The following ALPK2 variants were observed in gnomAD, a reference collection of about 807,000 sequenced individuals.
ALPK2 encodes alpha-protein kinase 2.
Under a neutral mutation model 163.1 loss-of-function variants are expected in ALPK2, and 127 were observed. That is an observed-to-expected ratio of 0.78 (90% CI 0.67 to 0.90). The LOEUF (loss-of-function observed/expected upper bound fraction) is 0.90. Ranked by LOEUF, ALPK2 falls within the 40% of genes least tolerant of loss-of-function variation. ALPK2 has a pLI of 0.00. For missense variants in ALPK2, 2,360 were observed against 2,589.6 expected (o/e 0.91, Z 1.92); for synonymous variants, 953 against 959.1 (o/e 0.99, Z 0.12).
intron 4 of ALPK2, chr18:58,544,430 G>A (rs1013255359): frequency 2.0e-5 from 3 of 152,182 alleles, no homozygotes; most frequent in Non-Finnish European, 4.4e-5. Flanking sequence ...TGCCAGCCAA[G>A]TGCATGACAC....
rs768618719 is a variant in ALPK2 at position 58,537,710 on chromosome 18, G to A, written c.2477C>T (p.Pro826Leu). ...TTCTTGAGGCGAATATTTATCAACT[G>A]GTCTCCCAACAAGAGAATCTATGGT... ...FDTIDSLVGRPVDKYSPQEIC... is the reference protein window; with the variant it reads ...FDTIDSLVGRLVDKYSPQEIC... The change falls in exon 5 of 13, where the codon CCA becomes CTA. Residue 826 changes from proline (P) to leucine (L), a missense_variant. By Grantham distance (98) the Pro-to-Leu change is moderately conservative. Coordinates refer to ENST00000361673, the MANE Select transcript of ALPK2 (RefSeq NM_052947.4). The A allele has an allele frequency of 6.2e-7, 1 of 1,614,072 alleles. No individual in the cohort carries two copies. The highest frequency in any genetic ancestry group is 1.1e-5 in the South Asian group (1 of 91,072).
At chr18:58,549,505 C>T (rs1174514175) in intron 4 of ALPK2, among the ~76,000 whole-genome samples, 1 of 152,150 alleles carries the variant, frequency 6.6e-6, no homozygotes, top group Non-Finnish European at 1.5e-5. Context: ...GAGGAGGAAA[C>T]ATCTGGAATT....
chr18:58,577,363 C>A (rs2051927396), intron 4 of ALPK2, among the ~76,000 whole-genome samples: 2 of 152,170 alleles, frequency 1.3e-5, no homozygotes, highest in African/African-American at 2.4e-5. Flanking sequence ...TACTTTATCA[C>A]CTTCCCCCAC....
chr18:58,512,894 A>G (rs2051499569), intron 10 of ALPK2, among the ~76,000 whole-genome samples: 3 of 76,450 alleles, frequency 3.9e-5, no homozygotes, highest in African/African-American at 5.2e-5. Flanking sequence ...GGGGTGTGTA[A>G]TGCGTATGTG....
chr18:58,593,947 CAAA>C (rs11366867), intron 3 of ALPK2, among the ~76,000 whole-genome samples: 32 of 127,140 alleles, frequency 2.5e-4, no homozygotes, highest in Non-Finnish European at 3.2e-4. Context: ...TTCCCCCAAC[CAAA>C]AAAAAAAAAA....
At chr18:58,602,342 G>T (rs551878184) in intron 3 of ALPK2, among the ~76,000 whole-genome samples, 2 of 152,116 alleles carry the variant, frequency 1.3e-5, no homozygotes, top group African/African-American at 4.8e-5. Flanking sequence ...ACAAACTACC[G>T]CAAACTGGGT....
At chr18:58,618,321 ACAGGCATGAGCCAC>A (rs564632448) in intron 1 of ALPK2, among the ~76,000 whole-genome samples, 179 of 152,336 alleles carry the variant, frequency 1.2e-3, no homozygotes, top group Non-Finnish European at 2.1e-3. Flanking sequence ...TGCTGAGATT[ACAGGCATGAGCCAC>A]CCCGCCTGGC....
At chr18:58,587,470 T>C (rs1346948275) in intron 3 of ALPK2, among the ~76,000 whole-genome samples, 1 of 151,988 alleles carries the variant, frequency 6.6e-6, no homozygotes, top group Non-Finnish European at 1.5e-5. Flanking sequence ...ATTTTAAATA[T>C]GCTGAAAGAA....
intron 4 of ALPK2, among the ~76,000 whole-genome samples, chr18:58,565,360 T>C (rs2051846239): frequency 6.6e-6 from 1 of 152,250 alleles, no homozygotes; most frequent in African/African-American, 2.4e-5. Context: ...AAATTAATCT[T>C]ACTGGCAATG....
chr18:58,496,582 G>C (rs1022752250), intron 12 of ALPK2, among the ~76,000 whole-genome samples: 12 of 152,178 alleles, frequency 7.9e-5, no homozygotes, highest in Non-Finnish European at 1.8e-4. Context: ...ACTTCTCTCT[G>C]TCCTTTATTG....
chr18:58,500,254 A>AAC (rs1555661601), intron 11 of ALPK2, among the ~76,000 whole-genome samples: 16,460 of 148,452 alleles, frequency 0.11, 1,045 homozygotes, highest in Non-Finnish European at 0.14. Flanking sequence ...AAAAAAAAAA[A>AAC]CCCACCAAAT....
chr18:58,522,996 C>A (rs1326083236), intron 8 of ALPK2, among the ~76,000 whole-genome samples: 1 of 149,882 alleles, frequency 6.7e-6, no homozygotes, highest in Non-Finnish European at 1.5e-5. Context: ...ATGTGCCATG[C>A]TGGTGTGCTG....
intron 8 of ALPK2, among the ~76,000 whole-genome samples, chr18:58,521,627 C>CTGTTTTTTTTTTTTTTTTTT (rs59358600): frequency 1.8e-5 from 1 of 55,376 alleles, no homozygotes; most frequent in Non-Finnish European, 3.5e-5. Context: ...TTCTCTCTCT[C>CTGTTTTTTTTTTTTTTTTTT]TTTTTTTTTT....
chr18:58,488,642 A>G (rs1007895885), intron 12 of ALPK2, among the ~76,000 whole-genome samples: 16 of 151,848 alleles, frequency 1.1e-4, no homozygotes, highest in Non-Finnish European at 1.9e-4. Flanking sequence ...AACCCATTAG[A>G]TGCCAACCAG....
chr18:58,567,614 G>A (rs1010097787), intron 4 of ALPK2, among the ~76,000 whole-genome samples: 2 of 152,148 alleles, frequency 1.3e-5, no homozygotes, highest in African/African-American at 4.8e-5. Flanking sequence ...TTAGCTCTGT[G>A]AGATCGGTCT....
chr18:58,492,163 A>AC (rs1555660450), intron 12 of ALPK2, among the ~76,000 whole-genome samples: 1 of 146,200 alleles, frequency 6.8e-6, no homozygotes, highest in African/African-American at 2.5e-5. Context: ...ACACACACAC[A>AC]ACACACAGAG....
At chr18:58,578,738 A>ACATACGCGCGCACGCGCGCG (rs2051936031) in intron 4 of ALPK2, 76 bp downstream of exon 4, 3 of 936,580 alleles carry the variant, frequency 3.2e-6, no homozygotes, top group Non-Finnish European at 4.7e-6. Context: ...GAAGAGACAC[A>ACATACGCGCGCACGCGCGCG]CACACACACA....
chr18:58,531,648 GAAAAAAAA>G (rs34960653), intron 5 of ALPK2, among the ~76,000 whole-genome samples: 8 of 103,598 alleles, frequency 7.7e-5, no homozygotes, highest in Non-Finnish European at 1.1e-4. Context: ...GTGATAAGTT[GAAAAAAAA>G]AAAAAAAAAA....
intron 4 of ALPK2, among the ~76,000 whole-genome samples, chr18:58,545,406 C>A (rs2051712479): frequency 1.3e-5 from 2 of 152,154 alleles, no homozygotes; most frequent in Non-Finnish European, 1.5e-5. Flanking sequence ...TAGGGATTAG[C>A]TGGAAGGGGA....
Sources: gnomAD v4.1 joint callset for allele counts (sites outside exome capture counted in the v4.1 genomes callset) on GRCh38, gnomAD v4.1.1 for gene constraint, MANE v1.5 for transcripts, NCBI Gene and HGNC (gene_info 2026-07-23, HGNC 2026-07-21) for gene names.